IL1RAPL2: variants seen among roughly 807,000 people sequenced by gnomAD.
IL1RAPL2 encodes the protein X-linked interleukin-1 receptor accessory protein-like 2.
IL1RAPL2 carries 3 observed loss-of-function variants against 44.1 expected under a neutral mutation model. The observed-to-expected ratio is 0.07, with a 90% CI of 0.03 to 0.18. The LOEUF is 0.18. IL1RAPL2 is among the 10% of genes least tolerant of loss of function. The probability of loss-of-function intolerance (pLI) is 1.00; values close to 1 mark genes in which losing one functional copy is unlikely to be tolerated. For missense variants in IL1RAPL2, 391 were observed against 496.4 expected, an observed-to-expected ratio of 0.79 and a Z score of 2.02; for synonymous variants, 181 against 178.8, an observed-to-expected ratio of 1.01 and a Z score of -0.10.
intron 2 of IL1RAPL2, among the ~76,000 whole-genome samples, chrX:104,787,500 A>C (rs1456033974): frequency 9.0e-6 from 1 of 111,703 alleles, no homozygotes; most frequent in Admixed American, 9.5e-5. Context: ...TACAGATGTC[A>C]AGAATGAAGA....
At chrX:105,756,182 A>C (rs943659380) in intron 10 of IL1RAPL2, among the ~76,000 whole-genome samples, 1 of 112,260 alleles carries the variant, frequency 8.9e-6, no homozygotes, top group African/African-American at 3.2e-5. Flanking sequence ...GTTACTTTCA[A>C]CATGTGATAA....
rs765246275 is a variant in IL1RAPL2 at position 104,615,872 on chromosome X, C to A, written c.-19-43023C>A. On this transcript the variant is annotated intron_variant, in intron 1 of 10. Coordinates refer to ENST00000372582, the MANE Select transcript of IL1RAPL2 (RefSeq NM_017416.2). ...GCATAAAAGTGTTCTTATTTCTCTGCAACCTCACCAGCATCTGTTGTTTCT... is the reference window on the plus strand; with the variant it reads ...GCATAAAAGTGTTCTTATTTCTCTGAAACCTCACCAGCATCTGTTGTTTCT... 9.8e-5 allele frequency among the ~76,000 whole-genome samples: 11 copies of A among 112,269 alleles called. 1 individual carries two copies. The Admixed American group carries it at 1.0e-3, about 11-fold the overall frequency.
intron 2 of IL1RAPL2, among the ~76,000 whole-genome samples, chrX:104,720,824 TGTCA>T (rs1299706283): frequency 9.0e-6 from 1 of 111,565 alleles, no homozygotes; most frequent in Non-Finnish European, 1.9e-5. Context: ...TTTAAAACAC[TGTCA>T]GTCCAACTGC....
chrX:105,280,401 A>G (rs1413932935), intron 5 of IL1RAPL2, among the ~76,000 whole-genome samples: 3 of 111,655 alleles, frequency 2.7e-5, no homozygotes, highest in Non-Finnish European at 5.6e-5. Flanking sequence ...ACCAAAAGCA[A>G]TTGCAACAAA....
intron 2 of IL1RAPL2, among the ~76,000 whole-genome samples, chrX:104,928,967 T>C (rs921909216): frequency 1.5e-4 from 17 of 111,899 alleles, no homozygotes; most frequent in African/African-American, 5.5e-4. Context: ...ACTCCTACTT[T>C]ATTTTCTTAA....
At chrX:105,273,591 A>G (rs1371811654) in intron 5 of IL1RAPL2, among the ~76,000 whole-genome samples, 1 of 111,831 alleles carries the variant, frequency 8.9e-6, no homozygotes, top group Admixed American at 9.5e-5. Flanking sequence ...AAGAATCTAG[A>G]CAGACAGGCC....
At chrX:105,524,523 C>A (rs2036582354) in intron 6 of IL1RAPL2, among the ~76,000 whole-genome samples, 1 of 109,170 alleles carries the variant, frequency 9.2e-6, no homozygotes, top group African/African-American at 3.3e-5. Context: ...TTTCAAGCAC[C>A]TAAGAACTTA....
At chrX:105,128,009 A>C (rs182701023) in intron 2 of IL1RAPL2, among the ~76,000 whole-genome samples, 25 of 110,965 alleles carry the variant, frequency 2.3e-4, no homozygotes, top group African/African-American at 7.8e-4. Context: ...TTTTGTGAGA[A>C]TGCATTGTGA....
chrX:105,303,348 A>G (rs1207358301), intron 5 of IL1RAPL2, among the ~76,000 whole-genome samples: 1 of 111,893 alleles, frequency 8.9e-6, no homozygotes, highest in Non-Finnish European at 1.9e-5. Flanking sequence ...AATTCCTTCA[A>G]CTGCAGCTTC....
intron 2 of IL1RAPL2, among the ~76,000 whole-genome samples, chrX:104,880,233 A>G (rs1386580075): frequency 1.8e-5 from 2 of 111,384 alleles, no homozygotes; most frequent in Non-Finnish European, 3.8e-5. Flanking sequence ...ATATGGCCTT[A>G]GCAGAGTAAG....
chrX:104,813,402 A>AT (rs34063707), intron 2 of IL1RAPL2, among the ~76,000 whole-genome samples: 45,471 of 108,354 alleles, frequency 0.42, 7,192 homozygotes, highest in Non-Finnish European at 0.45. Flanking sequence ...AAGCATAAAG[A>AT]TTTTTTTTTG....
chrX:104,779,337 G>A (rs1225785948), intron 2 of IL1RAPL2, among the ~76,000 whole-genome samples: 2 of 112,018 alleles, frequency 1.8e-5, no homozygotes, highest in Non-Finnish European at 3.8e-5. Context: ...CACTGAGCAG[G>A]CTGATGTTTG....
intron 2 of IL1RAPL2, among the ~76,000 whole-genome samples, chrX:105,025,755 G>C (rs1252275514): frequency 2.7e-5 from 3 of 111,163 alleles, no homozygotes; most frequent in Non-Finnish European, 5.7e-5. Flanking sequence ...CCCTTTTTAA[G>C]GAATCCATTA....
chrX:105,570,559 C>T (rs1432760953), intron 6 of IL1RAPL2, among the ~76,000 whole-genome samples: 1 of 111,655 alleles, frequency 9.0e-6, no homozygotes, highest in South Asian at 3.8e-4. Context: ...TTTACATTCC[C>T]ACCAGCAGTA....
rs185305701 is a variant in IL1RAPL2 at position 105,070,094 on chromosome X, A to G, written c.83-125381A>G. Among the ~76,000 whole-genome samples, 69 of 112,137 alleles carry G rather than the reference A, an allele frequency of 6.2e-4. 1 individual carries two copies. In the Admixed American group the frequency reaches 6.3e-3, roughly 10 times the overall value. On this transcript the variant is annotated intron_variant, in intron 2 of 10. Coordinates refer to ENST00000372582, the MANE Select transcript of IL1RAPL2 (RefSeq NM_017416.2). ...GAGACTATTTTGCTCATTGTAGAAT[A>G]GTATCTCATAAGGCTCCTTATTATC...
chrX:104,914,703 C>G (rs939395174), intron 2 of IL1RAPL2, among the ~76,000 whole-genome samples: 2 of 110,706 alleles, frequency 1.8e-5, no homozygotes, highest in Non-Finnish European at 3.8e-5. Flanking sequence ...TCTCCTAAAG[C>G]TATCCCTCCC....
chrX:105,261,896 G>T (rs1213507148), intron 4 of IL1RAPL2, among the ~76,000 whole-genome samples: 1 of 111,643 alleles, frequency 9.0e-6, no homozygotes, highest in Non-Finnish European at 1.9e-5. Flanking sequence ...CCTTGTCTCT[G>T]AACTGTGACC....
At chrX:104,568,494 T>TGA (rs1293748138) in intron 1 of IL1RAPL2, among the ~76,000 whole-genome samples, 19 of 112,098 alleles carry the variant, frequency 1.7e-4, no homozygotes, top group Non-Finnish European at 7.5e-5. Flanking sequence ...GCTTCATCTC[T>TGA]GAGCCGACCC....
intron 2 of IL1RAPL2, among the ~76,000 whole-genome samples, chrX:104,891,562 A>G (rs1281081037): frequency 7.2e-5 from 8 of 111,626 alleles, no homozygotes; most frequent in African/African-American, 9.8e-5. Flanking sequence ...AAGCAATTGT[A>G]AATGGGAGTT....
Sources: allele counts gnomAD v4.1 joint callset (sites outside exome capture counted in the v4.1 genomes callset), GRCh38; gene constraint gnomAD v4.1.1; transcripts MANE v1.5; gene names NCBI Gene and HGNC (gene_info 2026-07-23, HGNC 2026-07-21).